The following CCNT1 variants were observed in gnomAD, a reference collection of about 807,000 sequenced individuals.
The protein encoded by CCNT1 is cyclin T1, also known as cyclin-T1.
CCNT1 carries 18 observed loss-of-function variants against 67.3 expected under a neutral mutation model. The observed-to-expected ratio is 0.27, with a 90% CI of 0.18 to 0.40. CCNT1 has a LOEUF of 0.40. CCNT1 is among the 10% of genes least tolerant of loss of function. The pLI, the probability that CCNT1 is intolerant of heterozygous loss-of-function variation, is 1.00. For synonymous variants in CCNT1, 333 were observed against 310.3 expected (o/e 1.07, Z -0.77); for missense variants, 744 against 884.9 (o/e 0.84, Z 2.02).
At chr12:48,700,224 C>A (rs1307425246) in intron 4 of CCNT1, among the ~76,000 whole-genome samples, 3 of 149,086 alleles carry the variant, frequency 2.0e-5, no homozygotes, top group Non-Finnish European at 4.4e-5. Context: ...GAGGCTGAGG[C>A]AGGAGAATGG....
rs1940086895 is a variant in CCNT1 at position 48,692,231 on chromosome 12, A to G, written c.*802T>C. 2 of 152,220 alleles carry G rather than the reference A, an allele frequency of 1.3e-5. No homozygotes were observed. Among genetic ancestry groups the G allele is most frequent in the Non-Finnish European group, 2.9e-5 (2 of 68,046 alleles). 9.4% of individuals were successfully genotyped at this position (152,220 alleles called of 1,614,324 possible). A position where few individuals can be genotyped will look rare whatever the true frequency, so the allele number is the denominator to read the frequency against. On this transcript the variant is annotated 3_prime_UTR_variant, in exon 9 of 9. Transcript: ENST00000261900. ...ACTCAATTATAACATAAAGAAAGGG[A>G]AAAATACCATGTCAAATACATGCCT...
chr12:48,700,930 A>T (rs1226236104), intron 4 of CCNT1, 83 bp downstream of exon 4: 1 of 792,990 alleles, frequency 1.3e-6, no homozygotes, highest in Non-Finnish European at 2.0e-6. Context: ...CCCAAGAAAT[A>T]TTCTTCCTAT....
At chr12:48,709,732 C>T (rs113994788) in intron 2 of CCNT1, among the ~76,000 whole-genome samples, 2,704 of 152,116 alleles carry the variant, frequency 0.018, 89 homozygotes, top group African/African-American at 0.062. Context: ...TACCTCAATG[C>T]TAGTTTATGT....
intron 2 of CCNT1, among the ~76,000 whole-genome samples, chr12:48,711,748 G>A (rs990932832): frequency 1.3e-5 from 2 of 152,142 alleles, no homozygotes; most frequent in Non-Finnish European, 2.9e-5. Flanking sequence ...AGGTACAGGG[G>A]CTAAGGGCAG....
At position 48,689,462 on chromosome 12, in the gene CCNT1, TAAC is replaced by T. The variant is rs1484006469; in HGVS notation, c.*3568_*3570del. The T allele has an allele frequency of 4.6e-5, 7 of 152,150 alleles. No homozygotes were observed. The highest frequency in any genetic ancestry group is 1.7e-4 in the African/African-American group (7 of 41,440). The allele number at this position is 152,150 out of a possible 1,614,324, so 9.4% of individuals were successfully genotyped here. Reference sequence around the variant, plus strand: ...AAACACTCAGTTAAAAGCTGGGTGTTAACAAGCAGCAACTCAAGAAACTTGGGG... The same window carrying T: ...AAACACTCAGTTAAAAGCTGGGTGTTAAGCAGCAACTCAAGAAACTTGGGG... On this transcript the variant is annotated 3_prime_UTR_variant, in exon 9 of 9. Coordinates refer to ENST00000261900, the MANE Select transcript of CCNT1 (RefSeq NM_001240.4).
At chr12:48,697,831 T>C (rs1203327941) in intron 6 of CCNT1, 1 of 85,026 alleles carries the variant, frequency 1.2e-5, no homozygotes, top group Non-Finnish European at 2.1e-5. Context: ...AAAATAATAA[T>C]AATAATTTAA....
At position 48,705,713 on chromosome 12, in the gene CCNT1, A is replaced by G. The variant is rs1419401616; in HGVS notation, c.372+55T>C. 22 of 1,399,658 alleles carry G rather than the reference A, an allele frequency of 1.6e-5. 1 individual carries two copies. The highest frequency in any genetic ancestry group is 1.3e-4 in the Admixed American group (6 of 47,162). The allele number at this position is 1,399,658 out of a possible 1,614,324, so 86.7% of individuals were successfully genotyped here. On this transcript the variant is annotated intron_variant, in intron 3 of 8. Coordinates refer to ENST00000261900, the MANE Select transcript of CCNT1 (RefSeq NM_001240.4). ...GATCCAGGCATGCTTGGGAGTAGGG[A>G]AAAAAAAAGAAAGGAAAAAAATTAA...
At chr12:48,702,231 A>G (rs1940282611) in intron 3 of CCNT1, among the ~76,000 whole-genome samples, 1 of 152,238 alleles carries the variant, frequency 6.6e-6, no homozygotes, top group Non-Finnish European at 1.5e-5. Context: ...ACCAAAATAC[A>G]TTTGCAGAAC....
chr12:48,695,678 A>G (rs1940159280), intron 8 of CCNT1, 81 bp downstream of exon 8: 1 of 886,600 alleles, frequency 1.1e-6, no homozygotes, highest in Non-Finnish European at 1.9e-6. Flanking sequence ...AACCTAGGGT[A>G]CATATTCAAT....
intron 2 of CCNT1, among the ~76,000 whole-genome samples, chr12:48,707,291 T>TC (rs1366681927): frequency 6.7e-6 from 1 of 149,282 alleles, no homozygotes; most frequent in African/African-American, 2.4e-5. Context: ...TTTCTTTCTT[T>TC]TTTTTTTTTT....
chr12:48,713,010 G>C (rs565601379), intron 2 of CCNT1, among the ~76,000 whole-genome samples: 1 of 151,744 alleles, frequency 6.6e-6, no homozygotes, highest in African/African-American at 2.4e-5. Context: ...GTTTTATTAA[G>C]TAAATACAGT....
chr12:48,695,960 C>CA (rs775706318), intron 7 of CCNT1, 39 bp downstream of exon 7: 1 of 1,609,616 alleles, frequency 6.2e-7, no homozygotes, highest in South Asian at 1.1e-5. Flanking sequence ...GACAGATCAA[C>CA]AGCAAGTGCT....
intron 3 of CCNT1, among the ~76,000 whole-genome samples, chr12:48,702,286 T>A (rs1437302362): frequency 1.3e-5 from 2 of 152,248 alleles, no homozygotes; most frequent in African/African-American, 4.8e-5. Flanking sequence ...ATTTGGCTCC[T>A]ATTAGAACTT....
chr12:48,716,697 C>A lies in CCNT1; in HGVS notation c.-22G>T. 1.9e-6 allele frequency: 3 copies of A among 1,606,748 alleles called. No individual in the cohort carries two copies. Among genetic ancestry groups the A allele is most frequent in the Non-Finnish European group, 2.6e-6 (3 of 1,175,134 alleles). On this transcript the variant is annotated 5_prime_UTR_variant, in exon 1 of 9. Coordinates refer to ENST00000261900, the MANE Select transcript of CCNT1 (RefSeq NM_001240.4). ...CCATAGTGCTTCAACCAGAAGGCAGCGGCGAAGGCTGCAGGCACTTCCCAG... is the reference window on the plus strand; with the variant it reads ...CCATAGTGCTTCAACCAGAAGGCAGAGGCGAAGGCTGCAGGCACTTCCCAG...
chr12:48,714,669 A>T (rs1940506776), intron 1 of CCNT1, 145 bp from the exon 2 acceptor site: 2 of 589,280 alleles, frequency 3.4e-6, no homozygotes, highest in African/African-American at 3.7e-5. Context: ...ATCAAAGAAT[A>T]TGTCTGTTTT....
intron 3 of CCNT1, among the ~76,000 whole-genome samples, chr12:48,704,421 G>A (rs1344125010): frequency 1.3e-5 from 2 of 152,162 alleles, no homozygotes; most frequent in African/African-American, 4.8e-5. Flanking sequence ...GCCCATGCAA[G>A]GGATCTAATT....
intron 3 of CCNT1, among the ~76,000 whole-genome samples, chr12:48,703,853 A>T (rs1206906305): frequency 6.6e-6 from 1 of 151,964 alleles, no homozygotes; most frequent in Non-Finnish European, 1.5e-5. Flanking sequence ...CTGAGCCCGG[A>T]AGGTCAAGGC....
At chr12:48,710,644 T>G (rs1940434757) in intron 2 of CCNT1, among the ~76,000 whole-genome samples, 1 of 152,162 alleles carries the variant, frequency 6.6e-6, no homozygotes, top group Non-Finnish European at 1.5e-5. Context: ...ATAAAAATGT[T>G]TGAAAGAATA....
In CCNT1 at chr12:48,694,148, C is replaced by A; in HGVS notation, c.1066G>T (p.Ala356Ser). Residue 356 changes from alanine (A) to serine (S), a missense_variant, in exon 9 of 9, where the codon GCA becomes TCA. By Grantham distance (99) the Ala-to-Ser change is moderately conservative. Around this residue, in one of 3 missense-constraint regions of CCNT1, gnomAD observed 564 missense variants for 574.2 expected, o/e 0.98. Coordinates refer to ENST00000261900, the MANE Select transcript of CCNT1 (RefSeq NM_001240.4). ...AAGGAATGATCAACTCCTGTAAGTG[C>A]TAAATTCTCACTAGTCCGATGACCC... ...TQGHRTSENL[A>S]LTGVDHSLPQ... The A allele has an allele frequency of 6.2e-7, 1 of 1,614,230 alleles. No homozygotes were observed.
Sources: gnomAD v4.1 joint callset for allele counts (sites outside exome capture counted in the v4.1 genomes callset) on GRCh38, gnomAD v4.1.1 for gene constraint, gnomAD v4.1.1 regional missense constraint, MANE v1.5 for transcripts, NCBI Gene and HGNC (gene_info 2026-07-23, HGNC 2026-07-21) for gene names.